CHD1: variants seen among roughly 807,000 people sequenced by gnomAD.
CHD1 encodes the protein chromodomain helicase DNA binding protein 1, also known as ATP-dependent chromatin remodeler CHD1.
A neutral mutation model predicts 224.2 loss-of-function variants in CHD1; 36 were observed. That is an observed-to-expected ratio of 0.16 (90% confidence interval 0.12 to 0.21). The LOEUF (loss-of-function observed/expected upper bound fraction) is 0.21, where lower values mean the gene tolerates loss of function less well. Ranked by LOEUF, CHD1 falls within the 10% of genes least tolerant of loss-of-function variation. The probability of loss-of-function intolerance (pLI) is 1.00; values close to 1 mark genes in which losing one functional copy is unlikely to be tolerated. For synonymous variants in CHD1, 668 were observed against 658.3 expected (o/e 1.01, Z -0.23); for missense variants, 1,378 against 1,994.8 (o/e 0.69, Z 5.89).
intron 2 of CHD1, among the ~76,000 whole-genome samples, chr5:98,906,344 G>A (rs1752050142): frequency 1.3e-5 from 2 of 152,038 alleles, no homozygotes; most frequent in South Asian, 4.1e-4. Flanking sequence ...ATAGTTTAGA[G>A]GTCCAAAAAC....
rs1282888669 is a variant in CHD1 at position 98,901,131 on chromosome 5, C to G, written c.588-49G>C. 2.5e-6 allele frequency: 4 copies of G among 1,573,948 alleles called. No homozygotes were observed. The Admixed American group carries it at 7.9e-5, about 31-fold the overall frequency. The stretch of plus-strand genomic sequence containing the variant: ...AAAACAAGATTTGAGAAACTATATA[C>G]AAAAAGAACAAATACTTTCCACAAT... On this transcript the variant is annotated intron_variant, in intron 6 of 35. Transcript: ENST00000614616.
At chr5:98,911,146 A>ATCTATATATATATATATATAT (rs1554081078) in intron 2 of CHD1, among the ~76,000 whole-genome samples, 3 of 39,144 alleles carry the variant, frequency 7.7e-5, no homozygotes, top group Non-Finnish European at 4.5e-5. Flanking sequence ...AAAAAAAAAA[A>ATCTATATATATATATATATAT]ATATATATAT....
chr5:98,919,289 T>C (rs1464012845), intron 2 of CHD1, among the ~76,000 whole-genome samples: 1 of 152,178 alleles, frequency 6.6e-6, no homozygotes, highest in Non-Finnish European at 1.5e-5. Flanking sequence ...TGAATAAGCA[T>C]TAATATATGC....
At position 98,911,154 on chromosome 5, in the gene CHD1, T is replaced by A. The variant is rs1399699604; in HGVS notation, c.54-6056A>T. Reference sequence around the variant, plus strand: ...TGAAAAAAAAAAAAAAAAATATATATATATATATATATATATATATATAGA... The same window carrying A: ...TGAAAAAAAAAAAAAAAAATATATAAATATATATATATATATATATATAGA... On this transcript the variant is annotated intron_variant, in intron 2 of 35. Coordinates refer to ENST00000614616, the MANE Select transcript of CHD1 (RefSeq NM_001270.4). Among the ~76,000 whole-genome samples, 382 of 116,370 alleles carry A rather than the reference T, an allele frequency of 3.3e-3. 5 individuals carry two copies. Among genetic ancestry groups the A allele is most frequent in the African/African-American group, 9.3e-3 (253 of 27,200 alleles). The allele number at this position is 116,370 out of a possible 152,430, so 76.3% of individuals were successfully genotyped here.
intron 26 of CHD1, 95 bp downstream of exon 26, chr5:98,873,498 G>T: frequency 1.0e-6 from 1 of 954,256 alleles, no homozygotes; most frequent in Non-Finnish European, 1.4e-6. Flanking sequence ...TGAGACTGAT[G>T]AATAAATAAT....
chr5:98,898,942 T>C (rs112746970), intron 8 of CHD1, among the ~76,000 whole-genome samples, 178 bp from the exon 9 acceptor site: 564 of 152,266 alleles, frequency 3.7e-3, no homozygotes, highest in African/African-American at 0.013. Flanking sequence ...AACTAAAAAT[T>C]TGTAATTTAT....
chr5:98,859,608 A>G (rs1179321771), intron 33 of CHD1, among the ~76,000 whole-genome samples: 2 of 152,144 alleles, frequency 1.3e-5, no homozygotes, highest in Non-Finnish European at 2.9e-5. Flanking sequence ...AGAATTCCAC[A>G]TAAGTGATGT....
chr5:98,917,518 T>C (rs1490501741), intron 2 of CHD1, among the ~76,000 whole-genome samples: 3 of 152,200 alleles, frequency 2.0e-5, no homozygotes, highest in Admixed American at 6.5e-5. Context: ...TACCACGTAG[T>C]AGTTGCTCAA....
At chr5:98,911,754 C>T (rs1194013397) in intron 2 of CHD1, among the ~76,000 whole-genome samples, 1 of 152,142 alleles carries the variant, frequency 6.6e-6, no homozygotes. Flanking sequence ...ACCAGAAAAA[C>T]CCAAATTGAG....
intron 3 of CHD1, 115 bp from the exon 4 acceptor site, chr5:98,904,023 T>C (rs1751888482): frequency 3.2e-6 from 2 of 634,122 alleles, no homozygotes; most frequent in African/African-American, 3.7e-5. Flanking sequence ...ATAAAGACTA[T>C]ATTCCTTACC....
At position 98,902,912 on chromosome 5, in the gene CHD1, T is replaced by C. The variant is rs749045017; in HGVS notation, c.425A>G (p.Lys142Arg). 6.2e-7 allele frequency: 1 copy of C among 1,600,476 alleles called. No individual in the cohort carries two copies. Among genetic ancestry groups the C allele is most frequent in the South Asian group, 1.1e-5 (1 of 90,280 alleles). Residue 142 changes from lysine (K) to arginine (R), a missense_variant, in exon 5 of 36, where the codon AAA becomes AGA. Transcript: ENST00000614616. ...CAAAATGACATACTCTTTATGCTTTTTCCTTTTGACCTCACTTGATGAGTC... is the reference window on the plus strand; with the variant it reads ...CAAAATGACATACTCTTTATGCTTTCTCCTTTTGACCTCACTTGATGAGTC... Reference protein sequence around the residue: ...SDDSSSEVKRKKHKDEDWQMS... With the variant: ...SDDSSSEVKRRKHKDEDWQMS...
At chr5:98,927,553 C>A (rs1753555503) in intron 1 of CHD1, among the ~76,000 whole-genome samples, 1 of 152,196 alleles carries the variant, frequency 6.6e-6, no homozygotes, top group South Asian at 2.1e-4. Flanking sequence ...ATTCTCTAGA[C>A]TACTGTCCAG....
chr5:98,867,427 C>T (rs1190322971), intron 31 of CHD1, among the ~76,000 whole-genome samples: 8 of 152,084 alleles, frequency 5.3e-5, no homozygotes, highest in African/African-American at 1.9e-4. Flanking sequence ...ATATTTTGTA[C>T]ATAATTTTTT....
chr5:98,918,768 AC>A lies in CHD1; in HGVS notation c.53+7565del, dbSNP rs1200759652. On this transcript the variant is annotated intron_variant, in intron 2 of 35. Coordinates refer to ENST00000614616, the MANE Select transcript of CHD1 (RefSeq NM_001270.4). ...CAAGACTCTTCAAAAAAAAAAAAAA[AC>A]AAAAAAAAAAACTTCCTCTCCAACA... 2.5e-3 allele frequency among the ~76,000 whole-genome samples: 341 copies of A among 133,996 alleles called. 1 individual carries two copies. Among genetic ancestry groups the A allele is most frequent in the African/African-American group, 7.9e-3 (269 of 33,994 alleles). 87.9% of individuals were successfully genotyped at this position (133,996 alleles called of 152,430 possible).
At chr5:98,901,837 C>T (rs1751735438) in intron 5 of CHD1, among the ~76,000 whole-genome samples, 1 of 150,898 alleles carries the variant, frequency 6.6e-6, no homozygotes, top group Admixed American at 6.6e-5. Context: ...TCTATTAAGT[C>T]TATTTCATTC....
chr5:98,868,675 A>G (rs753735432), intron 30 of CHD1, 40 bp from the exon 31 acceptor site: 2 of 1,505,208 alleles, frequency 1.3e-6, no homozygotes, highest in South Asian at 1.3e-5. Flanking sequence ...CAAAACCCCA[A>G]TAGCAACAAA....
intron 34 of CHD1, 176 bp downstream of exon 34, chr5:98,858,788 G>T (rs77630359): frequency 0.011 from 5,059 of 464,736 alleles, 50 homozygotes; most frequent in South Asian, 0.026. Flanking sequence ...CAGTTTAAGA[G>T]AATACATTTT....
At chr5:98,871,925 A>G in intron 28 of CHD1, 126 bp downstream of exon 28, 1 of 748,530 alleles carries the variant, frequency 1.3e-6, no homozygotes, top group South Asian at 2.3e-5. Context: ...AAACGCACCA[A>G]GGTCACACAA....
intron 2 of CHD1, among the ~76,000 whole-genome samples, chr5:98,918,249 G>A (rs569910130): frequency 9.3e-5 from 14 of 151,152 alleles, no homozygotes; most frequent in African/African-American, 3.2e-4. Context: ...TAGTAGAGAC[G>A]GGGTTTTCAC....
Sources: gnomAD v4.1 joint callset for allele counts (sites outside exome capture counted in the v4.1 genomes callset) on GRCh38, gnomAD v4.1.1 for gene constraint, MANE v1.5 for transcripts, NCBI Gene and HGNC (gene_info 2026-07-23, HGNC 2026-07-21) for gene names.